PTPRT: variants seen among roughly 807,000 people sequenced by gnomAD.
The protein encoded by PTPRT is protein tyrosine phosphatase receptor type T.
In PTPRT, 56 loss-of-function variants were observed where a neutral mutation model predicts 176.8. That is an observed-to-expected ratio of 0.32 (90% CI 0.26 to 0.40). The LOEUF (loss-of-function observed/expected upper bound fraction) is 0.40, where lower values mean the gene tolerates loss of function less well. Ranked by LOEUF, PTPRT falls within the 10% of genes least tolerant of loss-of-function variation. The probability of loss-of-function intolerance (pLI) is 1.00; values close to 1 mark genes in which losing one functional copy is unlikely to be tolerated. For synonymous variants in PTPRT, 783 were observed against 739.0 expected, an observed-to-expected ratio of 1.06 and a Z score of -0.96; for missense variants, 1,540 against 1,908.2, an observed-to-expected ratio of 0.81 and a Z score of 3.60.
intron 11 of PTPRT, among the ~76,000 whole-genome samples, chr20:42,327,326 C>A (rs1449159953): frequency 6.6e-6 from 1 of 151,938 alleles, no homozygotes; most frequent in Non-Finnish European, 1.5e-5. Flanking sequence ...ATGCCCTTGC[C>A]AACCAAATAC....
chr20:42,887,251 C>T (rs894844124), intron 1 of PTPRT, among the ~76,000 whole-genome samples: 2 of 152,138 alleles, frequency 1.3e-5, no homozygotes, highest in East Asian at 1.9e-4. Context: ...AAGGCAGACT[C>T]CACATGATTG....
intron 1 of PTPRT, among the ~76,000 whole-genome samples, chr20:43,188,006 C>G (rs1207770598): frequency 6.6e-6 from 1 of 152,174 alleles, no homozygotes; most frequent in African/African-American, 2.4e-5. Context: ...CGCTTGCTAC[C>G]CAAGAACGAT....
At chr20:42,623,149 G>A (rs1345578828) in intron 7 of PTPRT, among the ~76,000 whole-genome samples, 1 of 152,226 alleles carries the variant, frequency 6.6e-6, no homozygotes, top group Non-Finnish European at 1.5e-5. Flanking sequence ...TTAAGTCCAT[G>A]TGCAGCCTCA....
At chr20:42,484,468 T>C (rs1358644881) in intron 7 of PTPRT, among the ~76,000 whole-genome samples, 1 of 152,220 alleles carries the variant, frequency 6.6e-6, no homozygotes, top group Non-Finnish European at 1.5e-5. Flanking sequence ...TCGTTGCCTG[T>C]TCCATGTTGA....
At chr20:42,851,695 T>C (rs2078473984) in intron 2 of PTPRT, among the ~76,000 whole-genome samples, 1 of 152,244 alleles carries the variant, frequency 6.6e-6, no homozygotes, top group South Asian at 2.1e-4. Flanking sequence ...TGCAACCATA[T>C]CGTCTCTTTT....
chr20:42,278,110 T>TAC (rs2057077170), intron 13 of PTPRT, among the ~76,000 whole-genome samples: 1 of 88,734 alleles, frequency 1.1e-5, no homozygotes, highest in Non-Finnish European at 2.3e-5. Context: ...TATATATATA[T>TAC]ATATATATAT....
At chr20:42,401,133 TAATAAATAAATA>T (rs10608287) in intron 9 of PTPRT, among the ~76,000 whole-genome samples, 2,161 of 148,400 alleles carry the variant, frequency 0.015, 53 homozygotes, top group African/African-American at 0.051. Context: ...GTCAAAACAG[TAATAAATAAATA>T]AATAAATAAA....
At chr20:43,080,958 C>T (rs1029662699) in intron 1 of PTPRT, among the ~76,000 whole-genome samples, 4 of 152,172 alleles carry the variant, frequency 2.6e-5, no homozygotes, top group Admixed American at 2.6e-4. Context: ...TTAGAGCAAC[C>T]AGTGTTACCC....
Position 42,741,345 on chromosome 20 carries a change from T to C in PTPRT, c.859+15117A>G, listed in dbSNP as rs73907256. On this transcript the variant is annotated intron_variant, in intron 6 of 30. Transcript: ENST00000373187. Reference sequence around the variant, plus strand: ...CTACGGGTATATCCATGAGCTGTCTTTTCTGTTCTTTTTTTTGAGATGGAG... The same window carrying C: ...CTACGGGTATATCCATGAGCTGTCTCTTCTGTTCTTTTTTTTGAGATGGAG... Among the ~76,000 whole-genome samples, 468 of 152,186 alleles carry C rather than the reference T, an allele frequency of 3.1e-3. 4 individuals carry two copies. The highest frequency in any genetic ancestry group is 0.011 in the African/African-American group (449 of 41,510).
intron 5 of PTPRT, among the ~76,000 whole-genome samples, chr20:42,758,824 A>G (rs1239354843): frequency 6.6e-6 from 1 of 152,210 alleles, no homozygotes. Flanking sequence ...TCTGAGCTGG[A>G]AAGTTTCCAT....
downstream of PTPRT, among the ~76,000 whole-genome samples, chr20:42,071,678 A>T (rs1437127795): frequency 6.6e-6 from 1 of 151,914 alleles, no homozygotes; most frequent in Non-Finnish European, 1.5e-5. Flanking sequence ...TATTTTTGAG[A>T]CAGGATATCA....
chr20:42,429,301 G>C (rs938011992), intron 9 of PTPRT, among the ~76,000 whole-genome samples: 2 of 152,144 alleles, frequency 1.3e-5, no homozygotes, highest in African/African-American at 4.8e-5. Context: ...GTTGACTAAA[G>C]GCACTATTTA....
At chr20:43,128,047 G>T (rs946316102) in intron 1 of PTPRT, among the ~76,000 whole-genome samples, 2 of 152,214 alleles carry the variant, frequency 1.3e-5, no homozygotes, top group South Asian at 2.1e-4. Context: ...CATAGTAGCG[G>T]TTATGGCTTT....
rs146270818 is a variant in PTPRT, at chr20:42,622,924, T to C, written c.1153+54942A>G. 4.3e-3 allele frequency among the ~76,000 whole-genome samples: 657 copies of C among 152,300 alleles called. 6 individuals are homozygous for C. The highest frequency in any genetic ancestry group is 0.015 in the African/African-American group (618 of 41,568). ...CATTCCTGTTTTTGCATCCAAAAAG[T>C]TGCCTTTTGGCCTGCTATGTCCCCC... On this transcript the variant is annotated intron_variant, in intron 7 of 30. Transcript: ENST00000373187.
intron 2 of PTPRT, among the ~76,000 whole-genome samples, chr20:42,837,124 G>A (rs1338420329): frequency 6.6e-6 from 1 of 152,204 alleles, no homozygotes; most frequent in Non-Finnish European, 1.5e-5. Context: ...GCCCAAAGCA[G>A]GGACGTGGGC....
intron 12 of PTPRT, among the ~76,000 whole-genome samples, chr20:42,296,611 A>G (rs538150291): frequency 1.3e-5 from 2 of 152,306 alleles, no homozygotes; most frequent in South Asian, 4.1e-4. Context: ...ATAAAAATAT[A>G]TGGCAGAGTT....
intron 27 of PTPRT, among the ~76,000 whole-genome samples, chr20:42,092,754 C>A (rs894312664): frequency 2.0e-5 from 3 of 152,194 alleles, no homozygotes; most frequent in African/African-American, 7.2e-5. Flanking sequence ...CCTAGAGGCA[C>A]AATGGCAGCA....
chr20:42,806,580 CT>C (rs1296342323), intron 2 of PTPRT, among the ~76,000 whole-genome samples: 1 of 150,928 alleles, frequency 6.6e-6, no homozygotes, highest in Non-Finnish European at 1.5e-5. Context: ...GGCTGACAAA[CT>C]TTTTCCATAA....
intron 27 of PTPRT, 70 bp from the exon 28 acceptor site, chr20:42,085,923 A>G: frequency 6.9e-7 from 1 of 1,456,482 alleles, no homozygotes; most frequent in African/African-American, 1.4e-5. Context: ...TCATTTATCA[A>G]CAAGCTTTTC....
Sources: gnomAD v4.1 joint callset for allele counts (sites outside exome capture counted in the v4.1 genomes callset) on GRCh38, gnomAD v4.1.1 for gene constraint, MANE v1.5 for transcripts, NCBI Gene and HGNC (gene_info 2026-07-23, HGNC 2026-07-21) for gene names.